The following SEMA4D variants were observed in gnomAD, a reference collection of about 807,000 sequenced individuals.
SEMA4D encodes the protein semaphorin-4D.
In SEMA4D, 22 loss-of-function variants were observed where a neutral mutation model predicts 74.8. That is an observed-to-expected ratio of 0.29 (90% CI 0.21 to 0.42). The LOEUF is 0.42. Among genes scored for constraint, SEMA4D ranks in the 10% least tolerant of loss-of-function variants. The probability of loss-of-function intolerance (pLI) is 1.00; values close to 1 mark genes in which losing one functional copy is unlikely to be tolerated. For synonymous variants in SEMA4D, 445 were observed against 463.7 expected (o/e 0.96, Z 0.52); for missense variants, 937 against 1,118.4 (o/e 0.84, Z 2.31).
Position 89,404,509 on chromosome 9 carries a change from C to T in SEMA4D, c.106+842G>A, listed in dbSNP as rs371556389. Among the ~76,000 whole-genome samples the T allele has an allele frequency of 3.3e-5, 5 of 152,226 alleles. No individual in the cohort carries two copies. In the East Asian group the frequency reaches 9.6e-4, roughly 29 times the overall value. On this transcript the variant is annotated intron_variant, in intron 3 of 15. Transcript: ENST00000422704. Reference sequence around the variant, plus strand: ...CAGATCACATGCCAGCATCCTCAGCCACCTGCCTGAGCATCCCAGGAAGTG... The same window carrying T: ...CAGATCACATGCCAGCATCCTCAGCTACCTGCCTGAGCATCCCAGGAAGTG...
At chr9:89,362,252 A>G in exon 19 of SEMA4D, 2 of 1,338,034 alleles carry the variant, frequency 1.5e-6, no homozygotes, top group South Asian at 2.4e-5. Context: ...TCTGCCCATC[A>G]GGTGGTGGCC....
At chr9:89,456,741 C>T (rs1275885230) in intron 1 of SEMA4D, among the ~76,000 whole-genome samples, 1 of 152,166 alleles carries the variant, frequency 6.6e-6, no homozygotes, top group Non-Finnish European at 1.5e-5. Flanking sequence ...CACATGCCAC[C>T]ACACCCGGCT....
intron 13 of SEMA4D, among the ~76,000 whole-genome samples, chr9:89,384,444 A>T (rs1837939804): frequency 6.6e-6 from 1 of 152,194 alleles, no homozygotes. Context: ...CCCAGACAGA[A>T]ACAGAAAGCA....
intron 1 of SEMA4D, among the ~76,000 whole-genome samples, chr9:89,487,811 C>G (rs1021231779): frequency 6.6e-6 from 1 of 152,042 alleles, no homozygotes; most frequent in African/African-American, 2.4e-5. Flanking sequence ...TGTGCAAGAC[C>G]TGTACACTCA....
At chr9:89,370,281 ATTGTGT>A (rs367591650) in intron 16 of SEMA4D, among the ~76,000 whole-genome samples, 170 of 147,718 alleles carry the variant, frequency 1.2e-3, no homozygotes, top group African/African-American at 3.9e-3. Context: ...GGTGGACATG[ATTGTGT>A]TTGTGATGTG....
chr9:89,443,594 C>T (rs1295886037), intron 2 of SEMA4D, among the ~76,000 whole-genome samples: 3 of 152,208 alleles, frequency 2.0e-5, no homozygotes, highest in Non-Finnish European at 1.5e-5. Context: ...AGGCGGGTGG[C>T]GGACGGCCCT....
At chr9:89,472,475 C>CG (rs1057376771) in intron 1 of SEMA4D, 2 of 262,950 alleles carry the variant, frequency 7.6e-6, no homozygotes, top group South Asian at 9.3e-5. Context: ...GAAGCACCCC[C>CG]CTTTTGTAAG....
intron 2 of SEMA4D, among the ~76,000 whole-genome samples, chr9:89,440,465 T>A (rs1851450682): frequency 6.6e-6 from 1 of 151,520 alleles, no homozygotes; most frequent in African/African-American, 2.4e-5. Flanking sequence ...CTGATCCACC[T>A]CCCACCCGCA....
exon 19 of SEMA4D, chr9:89,362,262 CCA>C: frequency 6.9e-7 from 1 of 1,457,308 alleles, no homozygotes; most frequent in Non-Finnish European, 9.6e-7. Flanking sequence ...AGGTGGTGGC[CCA>C]ATGGCTGTGT....
Position 89,405,484 on chromosome 9 carries a change from G to T in SEMA4D, c.-28C>A. On this transcript the variant is annotated 5_prime_UTR_variant, in exon 3 of 16. In the 5' UTR this introduces an upstream ATG that the reference lacks. Coordinates refer to ENST00000422704, the MANE Select transcript of SEMA4D (RefSeq NM_001371194.2). ...GGTAGAGGCGACCCCAGGGGCTTCA[G>T]CAGCAAAGGCTCACGGCAGCAGGTG... 1 of 1,611,004 alleles carries T rather than the reference G, an allele frequency of 6.2e-7. No individual in the cohort carries two copies.
At chr9:89,391,675 C>T (rs1839908021) in intron 8 of SEMA4D, among the ~76,000 whole-genome samples, 1 of 152,258 alleles carries the variant, frequency 6.6e-6, no homozygotes, top group South Asian at 2.1e-4. Context: ...GTGCATCCCA[C>T]CCAGGTTCAC....
chr9:89,495,904 A>G (rs1825973191), intron 1 of SEMA4D, among the ~76,000 whole-genome samples: 1 of 151,874 alleles, frequency 6.6e-6, no homozygotes, highest in Non-Finnish European at 1.5e-5. Flanking sequence ...TTTGCAATGC[A>G]TTATTGATTT....
At chr9:89,383,922 C>T (rs1475759964) in intron 13 of SEMA4D, among the ~76,000 whole-genome samples, 5 of 152,132 alleles carry the variant, frequency 3.3e-5, no homozygotes, top group Non-Finnish European at 7.3e-5. Flanking sequence ...GCAGGCAGCT[C>T]TCATGCTCCC....
At chr9:89,362,319 G>A in exon 19 of SEMA4D, 1 of 1,612,446 alleles carries the variant, frequency 6.2e-7, no homozygotes, top group Non-Finnish European at 8.5e-7. Flanking sequence ...TGGGGGACCA[G>A]GCCTTCTCCG....
chr9:89,405,558 G>A lies in SEMA4D; in HGVS notation c.-102C>T. On this transcript the variant is annotated 5_prime_UTR_variant, in exon 3 of 16. Coordinates refer to ENST00000422704, the MANE Select transcript of SEMA4D (RefSeq NM_001371194.2). The stretch of plus-strand genomic sequence containing the variant: ...ATGCGGCTCAGCGCCCCAGGACCAG[G>A]GCCAGCAGCACAGCCTGGAGCTCGT... The A allele has an allele frequency of 6.5e-6, 10 of 1,530,660 alleles. No individual in the cohort carries two copies. Among genetic ancestry groups the A allele is most frequent in the Non-Finnish European group, 7.9e-6 (9 of 1,143,172 alleles). 94.8% of individuals were successfully genotyped at this position (1,530,660 alleles called of 1,614,324 possible).
chr9:89,448,314 T>A lies in SEMA4D; in HGVS notation c.-244+7574A>T, dbSNP rs116878284. Among the ~76,000 whole-genome samples the A allele has an allele frequency of 5.3e-5, 8 of 152,332 alleles. No individual in the cohort carries two copies. In the East Asian group the frequency reaches 1.5e-3, roughly 29 times the overall value. ...TTATTTCTCCCCCTTGTAACTCCAG[T>A]CATACCTGACCTATTGATCTCCTTT... On this transcript the variant is annotated intron_variant, in intron 2 of 15. Coordinates refer to ENST00000422704, the MANE Select transcript of SEMA4D (RefSeq NM_001371194.2).
At position 89,379,398 on chromosome 9, in the gene SEMA4D, T is replaced by C. The variant is rs745914585; in HGVS notation, c.1895A>G (p.Asn632Ser). ...YQCLSEERVK[N>S]KTVFQVVAKH... ...GGCGACCACTTGGAAGACCGTTTTG[T>C]TCTTAACCCTCTCCTCTGACAGGCA... The change falls in exon 16 of 16, where the codon AAC becomes AGC. Residue 632 changes from asparagine to serine, a missense_variant. Asn to Ser is a conservative substitution (Grantham distance 46). Coordinates refer to ENST00000422704, the MANE Select transcript of SEMA4D (RefSeq NM_001371194.2). The C allele has an allele frequency of 8.7e-6, 14 of 1,614,094 alleles. No homozygotes were observed. The highest frequency in any genetic ancestry group is 1.2e-5 in the Non-Finnish European group (14 of 1,180,048).
At chr9:89,417,731 T>C (rs137893433) in intron 2 of SEMA4D, among the ~76,000 whole-genome samples, 286 of 152,314 alleles carry the variant, frequency 1.9e-3, no homozygotes, top group African/African-American at 6.6e-3. Flanking sequence ...AGCTTTCTGG[T>C]GCAGGCACCA....
At chr9:89,377,151 GAA>G, downstream of SEMA4D, 1 of 1,441,398 alleles carries the variant, frequency 6.9e-7, no homozygotes, top group South Asian at 1.5e-5. Context: ...GAAACGGACA[GAA>G]AAGAGCGAGC....
Sources: allele counts gnomAD v4.1 joint callset (sites outside exome capture counted in the v4.1 genomes callset), GRCh38; gene constraint gnomAD v4.1.1; transcripts MANE v1.5; gene names NCBI Gene and HGNC (gene_info 2026-07-23, HGNC 2026-07-21).